The following PELI2 variants were observed in gnomAD, a reference collection of about 807,000 sequenced individuals.
PELI2 encodes the protein pellino E3 ubiquitin protein ligase family member 2, also known as E3 ubiquitin-protein ligase pellino homolog 2.
Under a neutral mutation model 42.3 loss-of-function variants are expected in PELI2, and 23 were observed. The observed-to-expected ratio is 0.54, with a 90% CI of 0.39 to 0.77. The LOEUF (loss-of-function observed/expected upper bound fraction) is 0.77. Among genes scored for constraint, PELI2 ranks in the 30% least tolerant of loss-of-function variants. PELI2 has a pLI of 0.00. For synonymous variants in PELI2, 245 were observed against 212.2 expected (o/e 1.15, Z -1.34); for missense variants, 463 against 553.2 (o/e 0.84, Z 1.64).
At chr14:56,247,613 G>A (rs1888208053) in intron 2 of PELI2, among the ~76,000 whole-genome samples, 1 of 152,130 alleles carries the variant, frequency 6.6e-6, no homozygotes, top group Non-Finnish European at 1.5e-5. Flanking sequence ...TTTAAAAATT[G>A]TGATCAACCT....
intron 2 of PELI2, among the ~76,000 whole-genome samples, chr14:56,266,467 AAAG>A (rs1196879642): frequency 1.2e-4 from 18 of 152,068 alleles, no homozygotes; most frequent in Non-Finnish European, 2.9e-5. Flanking sequence ...GTAAATAAAA[AAAG>A]AGATAACTCT....
intron 1 of PELI2, among the ~76,000 whole-genome samples, chr14:56,140,282 C>T (rs1046829258): frequency 6.6e-6 from 1 of 152,148 alleles, no homozygotes. Context: ...AAGCAAATTC[C>T]TTCTACCCCA....
At chr14:56,286,180 T>C (rs767949393) in intron 3 of PELI2, among the ~76,000 whole-genome samples, 11 of 151,976 alleles carry the variant, frequency 7.2e-5, no homozygotes, top group Non-Finnish European at 1.2e-4. Flanking sequence ...AAAGGAGAAA[T>C]TGGTGACTCA....
chr14:56,199,844 T>C (rs141091134), intron 2 of PELI2, among the ~76,000 whole-genome samples: 73 of 152,354 alleles, frequency 4.8e-4, no homozygotes, highest in African/African-American at 1.7e-3. Context: ...GCAAGTTCTG[T>C]TTATGGTTGT....
Position 56,297,256 on chromosome 14 carries a change from T to G in PELI2, c.*90T>G, listed in dbSNP as rs566959306. The G allele has an allele frequency of 9.6e-6, 8 of 830,574 alleles. No individual in the cohort carries two copies. Among genetic ancestry groups the G allele is most frequent in the Non-Finnish European group, 1.5e-5 (8 of 529,366 alleles). 51.5% of individuals were successfully genotyped at this position (830,574 alleles called of 1,614,324 possible). Reference sequence around the variant, plus strand: ...GATTTTACCTTTTTGTAATGCTGTTTATCAGAGGAGGGTGACAGGGGCTGG... The same window carrying G: ...GATTTTACCTTTTTGTAATGCTGTTGATCAGAGGAGGGTGACAGGGGCTGG... On this transcript the variant is annotated 3_prime_UTR_variant, in exon 6 of 6. Coordinates refer to ENST00000267460, the MANE Select transcript of PELI2 (RefSeq NM_021255.3).
intron 1 of PELI2, among the ~76,000 whole-genome samples, chr14:56,144,656 TATG>T (rs1234623923): frequency 6.6e-6 from 1 of 152,230 alleles, no homozygotes; most frequent in Admixed American, 6.5e-5. Context: ...AAATTGCTAA[TATG>T]ATAGATATGA....
In PELI2 at chr14:56,297,436, A is replaced by T; in HGVS notation, c.*270A>T. 3.0e-6 allele frequency: 1 copy of T among 333,384 alleles called. No individual in the cohort carries two copies. The highest frequency in any genetic ancestry group is 5.4e-6 in the Non-Finnish European group (1 of 184,934). The allele number at this position is 333,384 out of a possible 1,614,324, so 20.7% of individuals were successfully genotyped here. A position where few individuals can be genotyped will look rare whatever the true frequency, so the allele number is the denominator to read the frequency against. ...ATTGGATTTAAAATGCTATGCTTCT[A>T]TTTTTAACCTTGGGTTTTTAACCAA... On this transcript the variant is annotated 3_prime_UTR_variant, in exon 6 of 6. Transcript: ENST00000267460.
rs1042992178 is a variant in PELI2, at chr14:56,297,711, G to A, written c.*545G>A. On this transcript the variant is annotated 3_prime_UTR_variant, in exon 6 of 6. Coordinates refer to ENST00000267460, the MANE Select transcript of PELI2 (RefSeq NM_021255.3). The stretch of plus-strand genomic sequence containing the variant: ...GGCACAGGTGGTTTTGAAATCTGGG[G>A]CTTTTTCTGATTTATTTTTCTGACT... 6.6e-6 allele frequency: 1 copy of A among 151,790 alleles called. No individual in the cohort carries two copies. The allele number at this position is 151,790 out of a possible 1,614,324, so 9.4% of individuals were successfully genotyped here. A position where few individuals can be genotyped will look rare whatever the true frequency, so the allele number is the denominator to read the frequency against.
intron 1 of PELI2, among the ~76,000 whole-genome samples, chr14:56,165,771 T>G (rs186463812): frequency 1.1e-4 from 16 of 152,244 alleles, no homozygotes; most frequent in African/African-American, 3.9e-4. Context: ...AGTGACCGTC[T>G]TTGTCTTTTC....
intron 1 of PELI2, among the ~76,000 whole-genome samples, chr14:56,127,169 G>A (rs918292026): frequency 6.6e-6 from 1 of 152,184 alleles, no homozygotes; most frequent in South Asian, 2.1e-4. Context: ...TTTGTTGAGA[G>A]CGTGGCAGTT....
rs148661212 is a variant in PELI2 at position 56,125,340 on chromosome 14, G to C, written c.77+6603G>C. Among the ~76,000 whole-genome samples, 144 of 139,870 alleles carry C rather than the reference G, an allele frequency of 1.0e-3. 1 individual carries two copies. The highest frequency in any genetic ancestry group is 3.4e-3 in the African/African-American group (131 of 38,480). 91.8% of individuals were successfully genotyped at this position (139,870 alleles called of 152,430 possible). A position where few individuals can be genotyped will look rare whatever the true frequency, so the allele number is the denominator to read the frequency against. On this transcript the variant is annotated intron_variant, in intron 1 of 5. Transcript: ENST00000267460. ...AGAGAGGTGAGCAAGCAAAGGAGTA[G>C]ATAAAAAATGGAACTTCAGAGACTG... is the stretch of plus-strand genomic sequence containing the variant.
intron 1 of PELI2, among the ~76,000 whole-genome samples, chr14:56,158,739 A>T (rs1884655219): frequency 6.6e-6 from 1 of 152,214 alleles, no homozygotes; most frequent in African/African-American, 2.4e-5. Flanking sequence ...CCAAATAATT[A>T]AAAATTTTCC....
chr14:56,228,328 A>G (rs1348839929), intron 2 of PELI2, among the ~76,000 whole-genome samples: 1 of 152,194 alleles, frequency 6.6e-6, no homozygotes, highest in African/African-American at 2.4e-5. Context: ...CTGGGAACCT[A>G]TATGTAGATC....
At chr14:56,183,486 T>C (rs1885663143) in intron 2 of PELI2, among the ~76,000 whole-genome samples, 1 of 152,198 alleles carries the variant, frequency 6.6e-6, no homozygotes, top group Non-Finnish European at 1.5e-5. Context: ...TAGTTTAAAA[T>C]AATTTTCTGA....
chr14:56,226,553 C>T (rs1428202511), intron 2 of PELI2, among the ~76,000 whole-genome samples: 7 of 152,258 alleles, frequency 4.6e-5, no homozygotes, highest in African/African-American at 1.7e-4. Context: ...AATTAAGTAT[C>T]CCTCAAATTG....
intron 1 of PELI2, among the ~76,000 whole-genome samples, chr14:56,167,411 T>A (rs1885001568): frequency 6.6e-6 from 1 of 152,170 alleles, no homozygotes; most frequent in African/African-American, 2.4e-5. Context: ...TATCCTGTCT[T>A]CAGGCTAACA....
At chr14:56,130,885 A>G (rs1468890280) in intron 1 of PELI2, among the ~76,000 whole-genome samples, 2 of 152,174 alleles carry the variant, frequency 1.3e-5, no homozygotes, top group South Asian at 2.1e-4. Flanking sequence ...TAGCTGTGGC[A>G]TGTACCCTTG....
chr14:56,252,009 G>A (rs1888363244), intron 2 of PELI2, among the ~76,000 whole-genome samples: 1 of 152,174 alleles, frequency 6.6e-6, no homozygotes, highest in South Asian at 2.1e-4. Context: ...TATTAGGTGA[G>A]TTTGACAATA....
intron 1 of PELI2, among the ~76,000 whole-genome samples, chr14:56,169,269 C>T (rs747560955): frequency 2.0e-5 from 3 of 152,160 alleles, no homozygotes; most frequent in Non-Finnish European, 4.4e-5. Flanking sequence ...CTAGGACTCA[C>T]CTAAGAGATG....
Sources: allele counts gnomAD v4.1 joint callset (sites outside exome capture counted in the v4.1 genomes callset), GRCh38; gene constraint gnomAD v4.1.1; transcripts MANE v1.5; gene names NCBI Gene and HGNC (gene_info 2026-07-23, HGNC 2026-07-21).